ALDH18A1: variants seen among roughly 807,000 people sequenced by gnomAD.
ALDH18A1 encodes delta-1-pyrroline-5-carboxylate synthase.
A neutral mutation model predicts 88.8 loss-of-function variants in ALDH18A1; 44 were observed. The ratio of observed to expected loss-of-function variants is 0.50; its 90% confidence interval spans 0.39 to 0.64. The LOEUF (loss-of-function observed/expected upper bound fraction) is 0.64. Ranked by LOEUF, ALDH18A1 falls within the 30% of genes least tolerant of loss-of-function variation. The pLI, the probability that ALDH18A1 is intolerant of heterozygous loss-of-function variation, is 0.00. For missense variants in ALDH18A1, 782 were observed against 1,009.5 expected (o/e 0.77, Z 3.05); for synonymous variants, 331 against 372.1 (o/e 0.89, Z 1.27).
At chr10:95,634,611 T>A (rs2097877145) in intron 5 of ALDH18A1, among the ~76,000 whole-genome samples, 2 of 152,158 alleles carry the variant, frequency 1.3e-5, no homozygotes, top group African/African-American at 4.8e-5. Context: ...TTATGGAAGT[T>A]AGTCTTTGGT....
Position 95,606,494 on chromosome 10 carries a change from C to T in ALDH18A1, c.*268G>A. ...CGCCTTTTTTATGGGGAAAATGCACCTTTCAATCCTAGAAGATAATTGGAC... is the reference window on the plus strand; with the variant it reads ...CGCCTTTTTTATGGGGAAAATGCACTTTTCAATCCTAGAAGATAATTGGAC... On this transcript the variant is annotated 3_prime_UTR_variant, in exon 18 of 18. Coordinates refer to ENST00000371224, the MANE Select transcript of ALDH18A1 (RefSeq NM_002860.4). 7.6e-7 allele frequency: 1 copy of T among 1,310,654 alleles called. No homozygotes were observed. The highest frequency in any genetic ancestry group is 1.6e-5 in the South Asian group (1 of 60,878). The allele number at this position is 1,310,654 out of a possible 1,614,324, so 81.2% of individuals were successfully genotyped here. A position where few individuals can be genotyped will look rare whatever the true frequency, so the allele number is the denominator to read the frequency against.
intron 5 of ALDH18A1, among the ~76,000 whole-genome samples, chr10:95,634,051 A>AT (rs1358816562): frequency 6.6e-6 from 1 of 151,950 alleles, no homozygotes; most frequent in Non-Finnish European, 1.5e-5. Flanking sequence ...AAGTGATGGG[A>AT]TTACAGGTGT....
chr10:95,637,886 G>A (rs952667520), intron 3 of ALDH18A1, among the ~76,000 whole-genome samples: 1 of 151,908 alleles, frequency 6.6e-6, no homozygotes, highest in African/African-American at 2.4e-5. Flanking sequence ...CCTGAGCTCA[G>A]GGAGGTTAAG....
intron 12 of ALDH18A1, 76 bp downstream of exon 12, chr10:95,620,952 AAAG>A (rs966376291): frequency 1.4e-6 from 2 of 1,397,676 alleles, no homozygotes; most frequent in African/African-American, 2.9e-5. Context: ...AAAAAAAAGA[AAAG>A]AAAATATATT....
chr10:95,606,445 C>A lies in ALDH18A1; in HGVS notation c.*317G>T. 5 of 1,216,008 alleles carry A rather than the reference C, an allele frequency of 4.1e-6. No homozygotes were observed. Among genetic ancestry groups the A allele is most frequent in the Non-Finnish European group, 5.2e-6 (5 of 965,816 alleles). The allele number at this position is 1,216,008 out of a possible 1,614,324, so 75.3% of individuals were successfully genotyped here. On this transcript the variant is annotated 3_prime_UTR_variant, in exon 18 of 18. Coordinates refer to ENST00000371224, the MANE Select transcript of ALDH18A1 (RefSeq NM_002860.4). ...GGGGGACTGTAAGTCACTGAGGTGA[C>A]ACAAAGCAGCCATGGGTTTTCCTCG...
chr10:95,629,790 A>T (rs747572050), intron 7 of ALDH18A1, among the ~76,000 whole-genome samples: 1 of 152,220 alleles, frequency 6.6e-6, no homozygotes, highest in Non-Finnish European at 1.5e-5. Context: ...TAAAAAATCA[A>T]CACTCAGTAG....
intron 12 of ALDH18A1, among the ~76,000 whole-genome samples, chr10:95,620,729 G>A (rs879078027): frequency 7.1e-6 from 1 of 141,766 alleles, no homozygotes. Flanking sequence ...TCGTAGGTGG[G>A]AACTGAACAA....
chr10:95,623,611 A>G (rs1447988099), intron 11 of ALDH18A1, among the ~76,000 whole-genome samples: 1 of 150,548 alleles, frequency 6.6e-6, no homozygotes, highest in Non-Finnish European at 1.5e-5. Flanking sequence ...TGTTGTCCAG[A>G]CTGGAGTGCA....
chr10:95,606,484 GA>G lies in ALDH18A1; in HGVS notation c.*277del, dbSNP rs1043915577. On this transcript the variant is annotated 3_prime_UTR_variant, in exon 18 of 18. Transcript: ENST00000371224. ...GGGTTTTCCTCGCCTTTTTTATGGG[GA>G]AAATGCACCTTTCAATCCTAGAAGA... The G allele has an allele frequency of 7.8e-7, 1 of 1,288,528 alleles. No individual in the cohort carries two copies. Among genetic ancestry groups the G allele is most frequent in the South Asian group, 1.7e-5 (1 of 59,922 alleles). 79.8% of individuals were successfully genotyped at this position (1,288,528 alleles called of 1,614,324 possible). A position where few individuals can be genotyped will look rare whatever the true frequency, so the allele number is the denominator to read the frequency against.
chr10:95,629,114 T>C (rs894511559), intron 7 of ALDH18A1, among the ~76,000 whole-genome samples: 2 of 152,146 alleles, frequency 1.3e-5, no homozygotes, highest in African/African-American at 4.8e-5. Flanking sequence ...TGACATAAAA[T>C]AGTTACCTGA....
At chr10:95,640,515 T>A (rs1338316902) in intron 3 of ALDH18A1, among the ~76,000 whole-genome samples, 1 of 152,190 alleles carries the variant, frequency 6.6e-6, no homozygotes, top group Non-Finnish European at 1.5e-5. Flanking sequence ...CTAATTTTTG[T>A]ATCTTTAGTA....
chr10:95,641,040 T>C (rs1663704485), intron 3 of ALDH18A1, among the ~76,000 whole-genome samples: 1 of 152,172 alleles, frequency 6.6e-6, no homozygotes, highest in Admixed American at 6.5e-5. Context: ...CTGCCTGTCC[T>C]CTACCTGGAA....
In ALDH18A1 at chr10:95,637,587, T is replaced by C. The variant is rs11188411; in HGVS notation, c.304-151A>G. Reference sequence around the variant, plus strand: ...GCTGGCTCTGGAAGAATCAGCCAGATTGGTAAAAACACAGATTCCTACATC... The same window carrying C: ...GCTGGCTCTGGAAGAATCAGCCAGACTGGTAAAAACACAGATTCCTACATC... On this transcript the variant is annotated intron_variant, in intron 3 of 17. Coordinates refer to ENST00000371224, the MANE Select transcript of ALDH18A1 (RefSeq NM_002860.4). The C allele has an allele frequency of 0.29, 258,001 of 877,912 alleles. 43,227 individuals are homozygous for C. The highest frequency in any genetic ancestry group is 0.42 in the Admixed American group (17,546 of 41,822). The allele number at this position is 877,912 out of a possible 1,614,324, so 54.4% of individuals were successfully genotyped here.
rs1365573219 is a variant in ALDH18A1, at chr10:95,626,722, G to C, written c.1133C>G (p.Ala378Gly). The C allele has an allele frequency of 6.2e-7, 1 of 1,613,708 alleles. No homozygotes were observed. Residue 378 changes from alanine (A) to glycine (G), a missense_variant, in exon 10 of 18, where the codon GCC becomes GGC. Ala to Gly is a moderately conservative substitution (Grantham distance 60). Coordinates refer to ENST00000371224, the MANE Select transcript of ALDH18A1 (RefSeq NM_002860.4). Reference protein sequence around the residue: ...EMARSGGRMLATLEPEQRAEI... With the variant: ...EMARSGGRMLGTLEPEQRAEI... ...TATTACCTGCTCAGGTTCCAAGGTG[G>C]CCAACATCCTTCCTCCAGATCGCGC...
intron 5 of ALDH18A1, among the ~76,000 whole-genome samples, chr10:95,635,213 C>T (rs1358836080): frequency 6.6e-6 from 1 of 152,120 alleles, no homozygotes; most frequent in Non-Finnish European, 1.5e-5. Context: ...AAGCTTAGTG[C>T]TGTTGGACAC....
At chr10:95,628,613 C>T in intron 7 of ALDH18A1, 121 bp from the exon 8 acceptor site, 1 of 1,217,688 alleles carries the variant, frequency 8.2e-7, no homozygotes, top group Middle Eastern at 2.3e-4. Context: ...CACTGCACTA[C>T]CACCTGCTTT....
At chr10:95,619,929 T>G (rs1468400958) in intron 12 of ALDH18A1, among the ~76,000 whole-genome samples, 1 of 152,074 alleles carries the variant, frequency 6.6e-6, no homozygotes, top group African/African-American at 2.4e-5. Flanking sequence ...AAAGCCAAAA[T>G]AGACAAATGG....
At chr10:95,650,118 G>A (rs1049185825) in intron 2 of ALDH18A1, among the ~76,000 whole-genome samples, 1 of 151,720 alleles carries the variant, frequency 6.6e-6, no homozygotes, top group African/African-American at 2.4e-5. Flanking sequence ...TAAAACTATC[G>A]AACTTTCGGG....
At chr10:95,615,983 G>A (rs961145058) in intron 13 of ALDH18A1, among the ~76,000 whole-genome samples, 5 of 152,190 alleles carry the variant, frequency 3.3e-5, no homozygotes, top group Admixed American at 3.3e-4. Flanking sequence ...TCAACAAGTA[G>A]TAGCTATTAT....
Sources: gnomAD v4.1 joint callset for allele counts (sites outside exome capture counted in the v4.1 genomes callset) on GRCh38, gnomAD v4.1.1 for gene constraint, MANE v1.5 for transcripts, NCBI Gene and HGNC (gene_info 2026-07-23, HGNC 2026-07-21) for gene names.